DBR1: variants seen among roughly 807,000 people sequenced by gnomAD.
The protein encoded by DBR1 is lariat debranching enzyme.
A neutral mutation model predicts 45.9 loss-of-function variants in DBR1; 33 were observed. That is an observed-to-expected ratio of 0.72 (90% CI 0.55 to 0.96). The LOEUF is 0.96. Ranked by LOEUF, DBR1 falls within the 40% of genes least tolerant of loss-of-function variation. The pLI is 0.00. For synonymous variants in DBR1, 235 were observed against 235.9 expected (o/e 1.00, Z 0.04); for missense variants, 619 against 667.4 (o/e 0.93, Z 0.80).
intron 1 of DBR1, 54 bp downstream of exon 1, chr3:138,174,545 G>C: frequency 6.6e-7 from 1 of 1,513,888 alleles, no homozygotes; most frequent in Non-Finnish European, 9.0e-7. Context: ...CAGTGGCAGA[G>C]GGAACCCAGT....
chr3:138,171,569 T>C (rs2042955075), intron 3 of DBR1, 64 bp downstream of exon 3: 4 of 973,418 alleles, frequency 4.1e-6, no homozygotes, highest in African/African-American at 1.7e-5. Context: ...AAAGTACATA[T>C]CATGCTTAAC....
At chr3:138,173,466 C>T (rs780539151) in intron 2 of DBR1, 36 bp downstream of exon 2, 14 of 1,609,052 alleles carry the variant, frequency 8.7e-6, no homozygotes, top group Admixed American at 3.3e-5. Context: ...TCTTCCATCC[C>T]AGGAAAAAAA....
At chr3:138,170,045 C>G in intron 4 of DBR1, 62 bp downstream of exon 4, 1 of 1,060,764 alleles carries the variant, frequency 9.4e-7, no homozygotes, top group Non-Finnish European at 1.4e-6. Context: ...GACCAAAATA[C>G]ATTTTGGCAC....
At position 138,164,429 on chromosome 3, in the gene DBR1, C is replaced by A. The variant is rs73867021; in HGVS notation, c.715-571G>T. ...CCAAAGACTATATATTTTACGATTC[C>A]ATTTAAATGAATGTTCAGGAAAGGC... On this transcript the variant is annotated intron_variant, in intron 5 of 7. Transcript: ENST00000260803. Among the ~76,000 whole-genome samples, 804 of 152,242 alleles carry A rather than the reference C, an allele frequency of 5.3e-3. 6 individuals are homozygous for A. The highest frequency in any genetic ancestry group is 0.017 in the African/African-American group (725 of 41,560).
At chr3:138,168,360 A>C (rs1444164169) in intron 4 of DBR1, among the ~76,000 whole-genome samples, 2 of 151,602 alleles carry the variant, frequency 1.3e-5, no homozygotes, top group African/African-American at 4.9e-5. Flanking sequence ...CTTTATTTAA[A>C]ATACAAAAAA....
chr3:138,170,247 A>T lies in DBR1; in HGVS notation c.404-55T>A, dbSNP rs564755052. 15 of 1,101,214 alleles carry T rather than the reference A, an allele frequency of 1.4e-5. No individual in the cohort carries two copies. In the South Asian group the frequency reaches 1.9e-4, roughly 14 times the overall value. 68.2% of individuals were successfully genotyped at this position (1,101,214 alleles called of 1,614,324 possible). A position where few individuals can be genotyped will look rare whatever the true frequency, so the allele number is the denominator to read the frequency against. On this transcript the variant is annotated intron_variant, in intron 3 of 7. Transcript: ENST00000260803. ...TTTAATTTCCTTAAATACTGCAAAT[A>T]CAAAGACATATACACAGGTCTCCAA... is the stretch of plus-strand genomic sequence containing the variant.
At position 138,173,605 on chromosome 3, in the gene DBR1, CT is replaced by C; in HGVS notation, c.218del (p.Lys73ArgfsTer35). On this transcript the variant is annotated frameshift_variant, in exon 2 of 8. Transcript: ENST00000260803. LOFTEE classifies it high-confidence loss of function. ...TFYRYYSGEKKAPVLTLFIGG... is the reference protein window; with the variant it reads ...TFYRYYSGEKXAPVLTLFIGG... Reference sequence around the variant, plus strand: ...CAATGAAGAGCGTGAGAACTGGAGCCTTTTTCTCTCCAGAGTAATACCTAGA... The same window carrying C: ...CAATGAAGAGCGTGAGAACTGGAGCCTTTTCTCTCCAGAGTAATACCTAGA... 1 of 1,613,372 alleles carries C rather than the reference CT, an allele frequency of 6.2e-7. No individual in the cohort carries two copies. Among genetic ancestry groups the C allele is most frequent in the Non-Finnish European group, 8.5e-7 (1 of 1,179,620 alleles).
At chr3:138,170,034 T>C (rs749662727) in intron 4 of DBR1, 73 bp downstream of exon 4, 3 of 978,326 alleles carry the variant, frequency 3.1e-6, no homozygotes, top group Admixed American at 3.9e-5. Flanking sequence ...TATACCAATA[T>C]GACCAAAATA....
chr3:138,174,139 TC>T (rs2107907216), intron 1 of DBR1, among the ~76,000 whole-genome samples: 1 of 152,146 alleles, frequency 6.6e-6, no homozygotes, highest in East Asian at 1.9e-4. Flanking sequence ...AAGAACTGTT[TC>T]GAGTTCATTG....
chr3:138,162,651 T>G (rs751075723), intron 7 of DBR1, 69 bp from the exon 8 acceptor site: 53 of 1,307,408 alleles, frequency 4.1e-5, no homozygotes, highest in Middle Eastern at 2.6e-4. Context: ...GAAATCTAAT[T>G]ACAGACTTCA....
intron 2 of DBR1, among the ~76,000 whole-genome samples, chr3:138,173,189 T>C (rs1309221938): frequency 6.6e-6 from 1 of 150,650 alleles, no homozygotes; most frequent in African/African-American, 2.4e-5. Context: ...TTGTGTATGC[T>C]TAAGAATTTC....
At position 138,165,902 on chromosome 3, in the gene DBR1, C is replaced by T. The variant is rs79587149; in HGVS notation, c.714+1179G>A. ...CAAACATATTATTAATGCAGAGATACAATGAAAAGAGTAACCTCTCCTTCT... is the reference window on the plus strand; with the variant it reads ...CAAACATATTATTAATGCAGAGATATAATGAAAAGAGTAACCTCTCCTTCT... On this transcript the variant is annotated intron_variant, in intron 5 of 7. Transcript: ENST00000260803. 2.2e-3 allele frequency among the ~76,000 whole-genome samples: 340 copies of T among 152,192 alleles called. 1 individual carries two copies. The highest frequency in any genetic ancestry group is 4.6e-3 in the East Asian group (24 of 5,182).
chr3:138,174,828 A>C lies in DBR1; in HGVS notation c.-33T>G. The C allele has an allele frequency of 6.3e-7, 1 of 1,594,708 alleles. No individual in the cohort carries two copies. Among genetic ancestry groups the C allele is most frequent in the Non-Finnish European group, 8.5e-7 (1 of 1,171,376 alleles). On this transcript the variant is annotated 5_prime_UTR_variant, in exon 1 of 8. Transcript: ENST00000260803. ...GCCTGAGGAGGTGAGCGCTGCCTGCAACGCCCTACACCACAGCCAGCCCAG... is the reference window on the plus strand; with the variant it reads ...GCCTGAGGAGGTGAGCGCTGCCTGCCACGCCCTACACCACAGCCAGCCCAG...
At chr3:138,167,986 G>A (rs554792947) in intron 4 of DBR1, among the ~76,000 whole-genome samples, 1 of 152,040 alleles carries the variant, frequency 6.6e-6, no homozygotes, top group South Asian at 2.1e-4. Context: ...CTGTTTTGAA[G>A]ATCCAGAGAC....
At chr3:138,173,398 A>G (rs1001514107) in intron 2 of DBR1, 104 bp downstream of exon 2, 102 of 1,146,790 alleles carry the variant, frequency 8.9e-5, no homozygotes, top group Middle Eastern at 2.0e-4. Flanking sequence ...AATTAATGAC[A>G]TTCTCCAAAC....
At chr3:138,168,377 G>A (rs924486790) in intron 4 of DBR1, among the ~76,000 whole-genome samples, 6 of 151,720 alleles carry the variant, frequency 4.0e-5, no homozygotes, top group East Asian at 3.9e-4. Flanking sequence ...AAAATTAGCC[G>A]GGCGTGGTGG....
chr3:138,174,274 G>C (rs1412686071), intron 1 of DBR1, among the ~76,000 whole-genome samples: 1 of 152,104 alleles, frequency 6.6e-6, no homozygotes, highest in Non-Finnish European at 1.5e-5. Context: ...AAACCTGTCA[G>C]CTTCTTCCTC....
chr3:138,164,254 T>C (rs2042920506), intron 5 of DBR1: 1 of 154,668 alleles, frequency 6.5e-6, no homozygotes, highest in Non-Finnish European at 1.4e-5. Flanking sequence ...TAACTCTGGG[T>C]TAGGCAAAGA....
At chr3:138,174,494 T>C (rs2042969518) in intron 1 of DBR1, 105 bp downstream of exon 1, 3 of 1,200,896 alleles carry the variant, frequency 2.5e-6, no homozygotes, top group Non-Finnish European at 2.3e-6. Flanking sequence ...CAATTAGAGA[T>C]ACAGAGAGAA....
Sources: allele counts gnomAD v4.1 joint callset (sites outside exome capture counted in the v4.1 genomes callset), GRCh38; gene constraint gnomAD v4.1.1; transcripts MANE v1.5; gene names NCBI Gene and HGNC (gene_info 2026-07-23, HGNC 2026-07-21).